Variants in FGF14 observed in about 807,000 individuals in gnomAD.
FGF14 encodes fibroblast growth factor homologous factor 4.
Under a neutral mutation model 25.5 loss-of-function variants are expected in FGF14, and 5 were observed. That is an observed-to-expected ratio of 0.20 (90% confidence interval 0.10 to 0.41). The LOEUF (loss-of-function observed/expected upper bound fraction) is 0.41, where lower values mean the gene tolerates loss of function less well. Among genes scored for constraint, FGF14 ranks in the 10% least tolerant of loss-of-function variants. The pLI is 1.00. For missense variants in FGF14, 222 were observed against 320.1 expected, an observed-to-expected ratio of 0.69 and a Z score of 2.34; for synonymous variants, 138 against 118.3, an observed-to-expected ratio of 1.17 and a Z score of -1.08.
At chr13:101,928,233 C>T (rs1206846878) in intron 1 of FGF14, among the ~76,000 whole-genome samples, 1 of 152,116 alleles carries the variant, frequency 6.6e-6, no homozygotes, top group Non-Finnish European at 1.5e-5. Flanking sequence ...GAAAGTCAAC[C>T]AAATGCAGGC....
At chr13:102,325,560 G>A (rs532033057) in intron 1 of FGF14, among the ~76,000 whole-genome samples, 4 of 152,130 alleles carry the variant, frequency 2.6e-5, no homozygotes, top group Non-Finnish European at 5.9e-5. Flanking sequence ...GAATTCTATC[G>A]TCTGGAGTGT....
chr13:101,828,394 C>CA (rs1461536715), intron 3 of FGF14, among the ~76,000 whole-genome samples: 7 of 151,892 alleles, frequency 4.6e-5, no homozygotes, highest in Non-Finnish European at 1.0e-4. Context: ...TCCCTGGTAA[C>CA]TGTTTCTATG....
chr13:101,905,431 T>C lies in FGF14; in HGVS notation c.193+11022A>G, dbSNP rs371365086. ...CATGGATGAAGCTGGAAACCATCAT[T>C]CTCAGCAAACTAACACAAGAATAGA... On this transcript the variant is annotated intron_variant, in intron 1 of 4. Coordinates refer to ENST00000376143, the MANE Select transcript of FGF14 (RefSeq NM_004115.4). 7.8e-4 allele frequency among the ~76,000 whole-genome samples: 118 copies of C among 152,136 alleles called. 1 individual carries two copies. In the South Asian group the frequency reaches 0.015, roughly 19 times the overall value.
Position 101,916,754 on chromosome 13 carries a change from G to A in FGF14, c.-109C>T. 6 of 966,916 alleles carry A rather than the reference G, an allele frequency of 6.2e-6. No homozygotes were observed. In the South Asian group the frequency reaches 8.7e-5, roughly 14 times the overall value. 59.9% of individuals were successfully genotyped at this position (966,916 alleles called of 1,614,324 possible). ...ACCGTGGCTCGCCCTCGGGGCAGAG[G>A]AGGGGGTGCCAGGCGGGACTGGGGA... On this transcript the variant is annotated 5_prime_UTR_variant, in exon 1 of 5. Transcript: ENST00000376143.
In FGF14 at chr13:102,306,395, C is replaced by T. The variant is rs114253365; in HGVS notation, c.208+95076G>A. ...TGCAGGGCAGGGAAGACATATCATG[C>T]TTGAGAGAAGGCAGATGATGGAGGG... On this transcript the variant is annotated intron_variant, in intron 1 of 4. Coordinates refer to the FGF14 transcript ENST00000376131. Among the ~76,000 whole-genome samples the T allele has an allele frequency of 3.6e-3, 534 of 148,986 alleles. 1 individual carries two copies. Among genetic ancestry groups the T allele is most frequent in the African/African-American group, 0.012 (490 of 40,868 alleles).
intron 1 of FGF14, among the ~76,000 whole-genome samples, chr13:102,269,154 C>T (rs1199549260): frequency 6.6e-6 from 1 of 152,164 alleles, no homozygotes; most frequent in Non-Finnish European, 1.5e-5. Flanking sequence ...AAAAACAGTT[C>T]ATCAGGAAAA....
chr13:102,349,433 T>C (rs1032705029), intron 1 of FGF14, among the ~76,000 whole-genome samples: 5 of 152,192 alleles, frequency 3.3e-5, no homozygotes, highest in Admixed American at 6.5e-5. Flanking sequence ...CAATGATGAA[T>C]ATAATATTCA....
intron 1 of FGF14, among the ~76,000 whole-genome samples, chr13:102,138,109 C>G (rs1010972475): frequency 6.6e-6 from 1 of 150,518 alleles, no homozygotes; most frequent in African/African-American, 2.4e-5. Context: ...GGGACTCATC[C>G]TTTTCATTGA....
chr13:102,152,696 CAGAA>C (rs994370020), intron 1 of FGF14, among the ~76,000 whole-genome samples: 18 of 152,284 alleles, frequency 1.2e-4, no homozygotes, highest in African/African-American at 3.4e-4. Context: ...AATGCCCAAA[CAGAA>C]AGATCTTTTT....
intron 1 of FGF14, among the ~76,000 whole-genome samples, chr13:102,265,581 T>C (rs2052948840): frequency 6.6e-6 from 1 of 152,186 alleles, no homozygotes; most frequent in Admixed American, 6.6e-5. Context: ...TTAGAATTGG[T>C]AACATTCCAG....
intron 1 of FGF14, among the ~76,000 whole-genome samples, chr13:102,392,276 G>A (rs1046945167): frequency 2.0e-5 from 3 of 152,168 alleles, no homozygotes; most frequent in African/African-American, 7.2e-5. Flanking sequence ...TTTCTTGCCA[G>A]ACCTGAATAG....
chr13:101,865,359 A>G (rs1338894538), intron 3 of FGF14, among the ~76,000 whole-genome samples: 2 of 152,110 alleles, frequency 1.3e-5, no homozygotes, highest in African/African-American at 2.4e-5. Context: ...GTTCATAAAC[A>G]TCATTTTAAA....
chr13:102,329,214 C>T (rs529124433), intron 1 of FGF14, among the ~76,000 whole-genome samples: 147 of 152,302 alleles, frequency 9.7e-4, no homozygotes, highest in Admixed American at 2.2e-3. Flanking sequence ...GTACAACCCA[C>T]TATTTGATCA....
At chr13:102,265,723 A>C (rs1479114966) in intron 1 of FGF14, among the ~76,000 whole-genome samples, 5 of 152,178 alleles carry the variant, frequency 3.3e-5, no homozygotes, top group Admixed American at 2.6e-4. Flanking sequence ...GAAGAAATCA[A>C]AATTAGAATT....
chr13:102,334,145 G>A (rs1476657359), intron 1 of FGF14, among the ~76,000 whole-genome samples: 1 of 152,176 alleles, frequency 6.6e-6, no homozygotes, highest in Non-Finnish European at 1.5e-5. Context: ...CTCAGCCTGA[G>A]TAGCCCACCC....
rs116240140 is a variant in FGF14 at position 102,311,489 on chromosome 13, C to T, written c.208+89982G>A. On this transcript the variant is annotated intron_variant, in intron 1 of 4. Coordinates refer to the FGF14 transcript ENST00000376131. ...CATCCTTCCCCACAGCTGAATCGGG[C>T]CGATTTAAAAGTCACCTCATGCATT... 3.8e-3 allele frequency among the ~76,000 whole-genome samples: 584 copies of T among 152,184 alleles called. 1 individual carries two copies. The highest frequency in any genetic ancestry group is 0.013 in the African/African-American group (557 of 41,514).
chr13:101,714,411 GGTGA>G lies in FGF14; in HGVS notation c.*8416_*8419del. 1.6e-6 allele frequency: 2 copies of G among 1,256,934 alleles called. No individual in the cohort carries two copies. Among genetic ancestry groups the G allele is most frequent in the Non-Finnish European group, 2.3e-6 (2 of 854,848 alleles). The allele number at this position is 1,256,934 out of a possible 1,614,324, so 77.9% of individuals were successfully genotyped here. On this transcript the variant is annotated 3_prime_UTR_variant, in exon 5 of 5. Coordinates refer to ENST00000376143, the MANE Select transcript of FGF14 (RefSeq NM_004115.4). Reference sequence around the variant, plus strand: ...TGGAAACCTTTAGTTATAAGGTGATGGTGAGTAATAGCCTTTGTAATTTCAGGTT... The same window carrying G: ...TGGAAACCTTTAGTTATAAGGTGATGGTAATAGCCTTTGTAATTTCAGGTT...
chr13:101,731,307 T>C (rs756091939), intron 3 of FGF14, among the ~76,000 whole-genome samples: 3 of 152,158 alleles, frequency 2.0e-5, no homozygotes, highest in Non-Finnish European at 4.4e-5. Flanking sequence ...CAAAACGAGA[T>C]CGATAAGGAG....
intron 1 of FGF14, among the ~76,000 whole-genome samples, chr13:102,148,520 A>G (rs1181357465): frequency 6.6e-6 from 1 of 152,202 alleles, no homozygotes; most frequent in Non-Finnish European, 1.5e-5. Flanking sequence ...TATAAAATAC[A>G]TTCGATGGCC....
Sources: gnomAD v4.1 joint callset for allele counts (sites outside exome capture counted in the v4.1 genomes callset) on GRCh38, gnomAD v4.1.1 for gene constraint, MANE v1.5 for transcripts, NCBI Gene and HGNC (gene_info 2026-07-23, HGNC 2026-07-21) for gene names.